The following COL24A1 variants were observed in gnomAD, a reference collection of about 807,000 sequenced individuals.
COL24A1 encodes the protein collagen alpha-1(XXIV) chain.
A neutral mutation model predicts 253.9 loss-of-function variants in COL24A1; 224 were observed. The observed-to-expected ratio is 0.88, with a 90% CI of 0.79 to 0.99. COL24A1 has a LOEUF of 0.99. Among genes scored for constraint, COL24A1 ranks in the 50% least tolerant of loss-of-function variants. COL24A1 has a pLI of 0.00. For missense variants in COL24A1, 2,131 were observed against 2,068.5 expected (o/e 1.03, Z -0.59); for synonymous variants, 685 against 673.7 (o/e 1.02, Z -0.26).
At chr1:86,083,020 G>A (rs1702766636) in intron 7 of COL24A1, among the ~76,000 whole-genome samples, 1 of 151,946 alleles carries the variant, frequency 6.6e-6, no homozygotes, top group Non-Finnish European at 1.5e-5. Context: ...TAAACTGGCC[G>A]GGCACGGTGG....
intron 53 of COL24A1, among the ~76,000 whole-genome samples, chr1:85,761,858 T>C (rs1190055126): frequency 6.6e-6 from 1 of 152,166 alleles, no homozygotes; most frequent in Non-Finnish European, 1.5e-5. Flanking sequence ...TGTCTAAAGA[T>C]GTTTTTCCTG....
intron 2 of COL24A1, among the ~76,000 whole-genome samples, chr1:86,142,541 C>CAAA (rs373720712): frequency 4.2e-4 from 61 of 143,986 alleles, no homozygotes; most frequent in Non-Finnish European, 8.5e-4. Context: ...AAACAAAAAA[C>CAAA]AAAAAACAAA....
chr1:85,899,772 T>TAATTGCCAGTTTC (rs1553220231), intron 28 of COL24A1, among the ~76,000 whole-genome samples: 1 of 152,158 alleles, frequency 6.6e-6, no homozygotes, highest in Non-Finnish European at 1.5e-5. Context: ...GTCTCATAAT[T>TAATTGCCAGTTTC]AATTGCCAGT....
At chr1:85,941,786 A>T (rs1217895624) in intron 24 of COL24A1, among the ~76,000 whole-genome samples, 1 of 152,122 alleles carries the variant, frequency 6.6e-6, no homozygotes, top group South Asian at 2.1e-4. Flanking sequence ...AATCCTAAAA[A>T]CTTGTCTAAT....
At chr1:86,130,086 C>T (rs769159844) in intron 2 of COL24A1, among the ~76,000 whole-genome samples, 2 of 151,766 alleles carry the variant, frequency 1.3e-5, no homozygotes, top group African/African-American at 4.8e-5. Flanking sequence ...TTGAGTACTG[C>T]ACCTTTCAGA....
At chr1:85,933,821 T>C (rs754635801) in intron 24 of COL24A1, among the ~76,000 whole-genome samples, 17 of 152,224 alleles carry the variant, frequency 1.1e-4, no homozygotes, top group Admixed American at 6.5e-5. Context: ...TGAATTCTGG[T>C]TTGTTCCTAT....
chr1:85,796,113 T>A (rs548256367), intron 47 of COL24A1, among the ~76,000 whole-genome samples: 1 of 152,068 alleles, frequency 6.6e-6, no homozygotes, highest in Non-Finnish European at 1.5e-5. Context: ...TATACTAAAG[T>A]TAGGAGGTAA....
intron 47 of COL24A1, among the ~76,000 whole-genome samples, chr1:85,800,605 G>GA (rs1419674400): frequency 2.0e-5 from 3 of 151,974 alleles, no homozygotes; most frequent in Non-Finnish European, 4.4e-5. Flanking sequence ...GTGATGTCAG[G>GA]AAGCCAGAAT....
intron 24 of COL24A1, among the ~76,000 whole-genome samples, chr1:85,955,542 C>T (rs1690358853): frequency 2.6e-5 from 4 of 152,236 alleles, no homozygotes; most frequent in South Asian, 2.1e-4. Context: ...TAGATGCTGC[C>T]GTGGGATTGG....
chr1:86,018,418 T>C (rs180877809), intron 18 of COL24A1, among the ~76,000 whole-genome samples: 42 of 152,334 alleles, frequency 2.8e-4, no homozygotes, highest in Non-Finnish European at 1.2e-4. Flanking sequence ...AGAATCAGTA[T>C]ACTGAAGTTC....
intron 18 of COL24A1, 125 bp downstream of exon 18, chr1:86,022,115 T>C (rs1697592112): frequency 1.2e-6 from 1 of 840,596 alleles, no homozygotes; most frequent in Middle Eastern, 2.2e-4. Context: ...GGATTTGCTA[T>C]ATTCTAAAAC....
At chr1:85,767,324 G>A (rs936705295) in intron 53 of COL24A1, among the ~76,000 whole-genome samples, 11 of 152,168 alleles carry the variant, frequency 7.2e-5, no homozygotes, top group South Asian at 2.1e-4. Flanking sequence ...CCAATTAGGC[G>A]TCTTTAGCCA....
At chr1:85,802,323 A>G (rs541138389) in intron 47 of COL24A1, among the ~76,000 whole-genome samples, 1 of 151,998 alleles carries the variant, frequency 6.6e-6, no homozygotes, top group East Asian at 1.9e-4. Context: ...AAACCATATC[A>G]CTCTACACCT....
chr1:86,052,323 A>C (rs1018225252), intron 10 of COL24A1, among the ~76,000 whole-genome samples: 2 of 152,142 alleles, frequency 1.3e-5, no homozygotes, highest in African/African-American at 4.8e-5. Context: ...CAAAAGATAG[A>C]AGCAACGTAA....
chr1:85,838,745 C>G (rs1676289191), intron 42 of COL24A1, 107 bp from the exon 43 acceptor site: 2 of 967,676 alleles, frequency 2.1e-6, no homozygotes, highest in Non-Finnish European at 3.2e-6. Context: ...AAATATAAAA[C>G]CAAATATATG....
At chr1:85,986,455 C>T (rs781084697) in intron 20 of COL24A1, among the ~76,000 whole-genome samples, 19 of 151,656 alleles carry the variant, frequency 1.3e-4, no homozygotes, top group Non-Finnish European at 2.5e-4. Flanking sequence ...TCAAGATGCC[C>T]GTCTGATGAA....
chr1:86,006,274 A>G (rs1354401300), intron 19 of COL24A1, among the ~76,000 whole-genome samples: 2 of 151,230 alleles, frequency 1.3e-5, no homozygotes, highest in Non-Finnish European at 2.9e-5. Flanking sequence ...TAAAGCTACA[A>G]TATTCGAGAC....
chr1:85,883,760 G>C (rs1011584012), intron 32 of COL24A1: 1 of 152,020 alleles, frequency 6.6e-6, no homozygotes, highest in African/African-American at 2.4e-5. Context: ...TCCAAGATCA[G>C]ATGAGATTGA....
At chr1:85,782,394 G>T (rs1669231306) in intron 51 of COL24A1, among the ~76,000 whole-genome samples, 1 of 152,198 alleles carries the variant, frequency 6.6e-6, no homozygotes, top group South Asian at 2.1e-4. Context: ...GGCCCTTTTT[G>T]CATTTTTTAA....
Sources: allele counts gnomAD v4.1 joint callset (sites outside exome capture counted in the v4.1 genomes callset), GRCh38; gene constraint gnomAD v4.1.1; transcripts MANE v1.5; gene names NCBI Gene and HGNC (gene_info 2026-07-23, HGNC 2026-07-21).